The following TPD52 variants were observed in gnomAD, a reference collection of about 807,000 sequenced individuals.
TPD52 encodes tumor protein D52, also known as prostate and colon associated protein.
Under a neutral mutation model 31.3 loss-of-function variants are expected in TPD52, and 17 were observed. That is an observed-to-expected ratio of 0.54 (90% CI 0.37 to 0.82). TPD52 has a LOEUF of 0.82. TPD52 is among the 40% of genes least tolerant of loss of function. TPD52 has a pLI of 0.00. For missense variants in TPD52, 212 were observed against 240.1 expected (o/e 0.88, Z 0.77); for synonymous variants, 83 against 89.6 (o/e 0.93, Z 0.42).
At chr8:80,156,197 A>G (rs1215770283) in intron 1 of TPD52, among the ~76,000 whole-genome samples, 1 of 152,194 alleles carries the variant, frequency 6.6e-6, no homozygotes, top group African/African-American at 2.4e-5. Flanking sequence ...TACTGACACC[A>G]GGAAGACCTA....
At chr8:80,107,950 A>C (rs1807247426) in intron 1 of TPD52, among the ~76,000 whole-genome samples, 1 of 152,206 alleles carries the variant, frequency 6.6e-6, no homozygotes, top group Middle Eastern at 3.2e-3. Context: ...GAAAATGTGC[A>C]GTAAAAATGA....
chr8:80,116,535 G>A (rs893424971), intron 1 of TPD52, among the ~76,000 whole-genome samples: 7 of 151,186 alleles, frequency 4.6e-5, no homozygotes, highest in African/African-American at 1.7e-4. Flanking sequence ...CCTACTCCCA[G>A]ATGGCTTCAC....
At chr8:80,150,771 A>C (rs377394382) in intron 1 of TPD52, among the ~76,000 whole-genome samples, 27 of 152,302 alleles carry the variant, frequency 1.8e-4, no homozygotes, top group African/African-American at 6.5e-4. Context: ...CTGTACCTTC[A>C]TTGTATCTAG....
At chr8:80,088,519 G>A (rs1301615219) in intron 1 of TPD52, among the ~76,000 whole-genome samples, 3 of 152,200 alleles carry the variant, frequency 2.0e-5, no homozygotes, top group Non-Finnish European at 2.9e-5. Context: ...GAGCCAAGTC[G>A]AGTAATTAGG....
At chr8:80,097,449 A>C (rs1806415673) in intron 1 of TPD52, among the ~76,000 whole-genome samples, 1 of 152,190 alleles carries the variant, frequency 6.6e-6, no homozygotes, top group South Asian at 2.1e-4. Flanking sequence ...GTGTTGGAGG[A>C]GGGGCCTGCT....
intron 1 of TPD52, among the ~76,000 whole-genome samples, chr8:80,076,248 T>C (rs1438133165): frequency 6.6e-6 from 1 of 152,176 alleles, no homozygotes; most frequent in African/African-American, 2.4e-5. Context: ...AAGGGTGGAA[T>C]CAACCTAAAT....
intron 1 of TPD52, among the ~76,000 whole-genome samples, chr8:80,132,032 CTTT>C (rs72390353): frequency 7.0e-6 from 1 of 143,394 alleles, no homozygotes; most frequent in Non-Finnish European, 1.5e-5. Context: ...TTCTTTCTTT[CTTT>C]TTTTTTTTTT....
chr8:80,078,836 C>G (rs7821354), intron 1 of TPD52, among the ~76,000 whole-genome samples: 93,186 of 151,946 alleles, frequency 0.61, 28,634 homozygotes, highest in East Asian at 0.73. Flanking sequence ...AGAGGTACAC[C>G]CAACCCTACA....
intron 1 of TPD52, among the ~76,000 whole-genome samples, chr8:80,121,009 G>A (rs897565384): frequency 6.6e-6 from 1 of 151,688 alleles, no homozygotes; most frequent in Non-Finnish European, 1.5e-5. Flanking sequence ...TTGAACCAGG[G>A]AGGCAGAGGT....
intron 1 of TPD52, chr8:80,080,561 T>C: frequency 6.8e-7 from 1 of 1,475,350 alleles, no homozygotes; most frequent in Non-Finnish European, 9.0e-7. Flanking sequence ...ACTGAAGAAA[T>C]CAACCCCAGG....
At chr8:80,134,329 A>C (rs150812438) in intron 1 of TPD52, among the ~76,000 whole-genome samples, 1 of 152,222 alleles carries the variant, frequency 6.6e-6, no homozygotes, top group Non-Finnish European at 1.5e-5. Context: ...GCTCACCTTT[A>C]CAAGAGGAAA....
chr8:80,123,482 T>C (rs1374667743), intron 1 of TPD52, among the ~76,000 whole-genome samples: 4 of 152,026 alleles, frequency 2.6e-5, no homozygotes, highest in Non-Finnish European at 5.9e-5. Context: ...ATCCCAACAG[T>C]TGGGAGGCCA....
At chr8:80,090,798 T>C (rs1816201793) in intron 1 of TPD52, among the ~76,000 whole-genome samples, 1 of 152,178 alleles carries the variant, frequency 6.6e-6, no homozygotes. Context: ...TGGAACTAAA[T>C]GTAAATACTC....
At chr8:80,112,540 G>A (rs1209776332) in intron 1 of TPD52, among the ~76,000 whole-genome samples, 1 of 152,146 alleles carries the variant, frequency 6.6e-6, no homozygotes, top group African/African-American at 2.4e-5. Context: ...ACTCTTGGTA[G>A]TAAAGAATAC....
intron 1 of TPD52, among the ~76,000 whole-genome samples, chr8:80,136,190 A>C (rs954706025): frequency 3.3e-5 from 5 of 150,154 alleles, no homozygotes; most frequent in African/African-American, 4.9e-5. Flanking sequence ...TAAAAAAAAA[A>C]CAAGCACACT....
At chr8:80,106,981 A>G (rs576264120) in intron 1 of TPD52, among the ~76,000 whole-genome samples, 96 of 151,552 alleles carry the variant, frequency 6.3e-4, no homozygotes, top group South Asian at 1.0e-3. Flanking sequence ...CCTCCCGAGT[A>G]GCTGGGACTA....
chr8:80,040,183 TCC>T (rs1810238131), intron 7 of TPD52, among the ~76,000 whole-genome samples: 1 of 143,020 alleles, frequency 7.0e-6, no homozygotes, highest in African/African-American at 2.7e-5. Context: ...TAATACGCTA[TCC>T]TTTTTTTTTT....
intron 1 of TPD52, among the ~76,000 whole-genome samples, chr8:80,078,709 AGTTT>A (rs1489595448): frequency 7.9e-5 from 12 of 152,128 alleles, no homozygotes; most frequent in Non-Finnish European, 1.5e-4. Flanking sequence ...TAGCTACATG[AGTTT>A]GTTTTTCATT....
At chr8:80,085,986 T>C (rs1300647282) in intron 1 of TPD52, among the ~76,000 whole-genome samples, 1 of 151,738 alleles carries the variant, frequency 6.6e-6, no homozygotes, top group African/African-American at 2.4e-5. Flanking sequence ...CCGCTCTGAA[T>C]ACCTACATAG....
Sources: gnomAD v4.1 joint callset for allele counts (sites outside exome capture counted in the v4.1 genomes callset) on GRCh38, gnomAD v4.1.1 for gene constraint, MANE v1.5 for transcripts, NCBI Gene and HGNC (gene_info 2026-07-23, HGNC 2026-07-21) for gene names.